The following LONRF3 variants were observed in gnomAD, a reference collection of about 807,000 sequenced individuals.
LONRF3 encodes LON peptidase N-terminal domain and ring finger 3.
A neutral mutation model predicts 51.7 loss-of-function variants in LONRF3; 19 were observed. That is an observed-to-expected ratio of 0.37 (90% CI 0.26 to 0.54). The LOEUF (loss-of-function observed/expected upper bound fraction) is 0.54. Ranked by LOEUF, LONRF3 falls within the 20% of genes least tolerant of loss-of-function variation. The probability of loss-of-function intolerance (pLI) is 0.86; values close to 1 mark genes in which losing one functional copy is unlikely to be tolerated. For missense variants in LONRF3, 521 were observed against 623.9 expected (o/e 0.84, Z 1.76); for synonymous variants, 265 against 257.8 (o/e 1.03, Z -0.27).
intron 5 of LONRF3, among the ~76,000 whole-genome samples, chrX:118,998,319 G>T (rs1236812118): frequency 8.9e-6 from 1 of 112,272 alleles, no homozygotes; most frequent in Non-Finnish European, 1.9e-5. Context: ...GCAGTGACCT[G>T]GATGAGATTG....
chrX:118,983,834 G>A (rs1480422846), intron 3 of LONRF3, among the ~76,000 whole-genome samples: 1 of 112,065 alleles, frequency 8.9e-6, no homozygotes, highest in East Asian at 2.8e-4. Flanking sequence ...CTCTAGAAAG[G>A]AATAGTTAGC....
At chrX:118,983,450 GCTAGAAATAAAACACA>G (rs375230815) in intron 3 of LONRF3, among the ~76,000 whole-genome samples, 9 of 112,191 alleles carry the variant, frequency 8.0e-5, no homozygotes, top group African/African-American at 2.9e-4. Context: ...CAGCTCCTTT[GCTAGAAATAAAACACA>G]CTGCCTCACA....
In LONRF3 at chrX:118,974,743, T is replaced by C. The variant is rs1489630751; in HGVS notation, c.-38T>C. 11 of 1,097,284 alleles carry C rather than the reference T, an allele frequency of 1.0e-5. No homozygotes were observed. Among genetic ancestry groups the C allele is most frequent in the Non-Finnish European group, 1.3e-5 (11 of 822,577 alleles). 90.4% of individuals were successfully genotyped at this position (1,097,284 alleles called of 1,213,427 possible). On this transcript the variant is annotated 5_prime_UTR_variant, in exon 1 of 11. Coordinates refer to ENST00000371628, the MANE Select transcript of LONRF3 (RefSeq NM_001031855.3). ...GCCACTCCTTGCTTCGTGTCCCCGG[T>C]CCCTAGACGCCTCGTCTCCTCCCGT... is the stretch of plus-strand genomic sequence containing the variant.
chrX:118,985,521 C>A (rs1922882323), intron 3 of LONRF3, among the ~76,000 whole-genome samples: 2 of 112,048 alleles, frequency 1.8e-5, no homozygotes, highest in Non-Finnish European at 3.8e-5. Context: ...GAATGCTAGG[C>A]CTCTCCCTGG....
chrX:118,978,425 G>A lies in LONRF3; in HGVS notation c.898G>A (p.Ala300Thr). The A allele has an allele frequency of 8.3e-7, 1 of 1,204,525 alleles. No homozygotes were observed. The highest frequency in any genetic ancestry group is 1.7e-5 in the African/African-American group (1 of 57,532). Residue 300 changes from alanine (A) to threonine (T), a missense_variant, in exon 2 of 11, where the codon GCA becomes ACA. Transcript: ENST00000371628. ...LESHENALHD[A>T]EIACKLRPMG... ...GTCTCATGAGAATGCACTGCATGAT[G>A]CAGAAATAGCATGTAAGCTCCGCCC...
chrX:119,008,850 A>G (rs1178954942), intron 6 of LONRF3, among the ~76,000 whole-genome samples: 1 of 112,114 alleles, frequency 8.9e-6, no homozygotes, highest in African/African-American at 3.2e-5. Context: ...GTGTTTCAGA[A>G]AAACTGTGAG....
chrX:118,989,321 A>G, intron 3 of LONRF3, 87 bp from the exon 4 acceptor site: 1 of 1,069,349 alleles, frequency 9.4e-7, no homozygotes, highest in Non-Finnish European at 1.3e-6. Flanking sequence ...AGGACTCTAT[A>G]GTTTCCCTTT....
chrX:118,997,113 AAAAAC>A (rs1923931568), intron 5 of LONRF3, among the ~76,000 whole-genome samples: 1 of 111,059 alleles, frequency 9.0e-6, no homozygotes, highest in Non-Finnish European at 1.9e-5. Flanking sequence ...GAATTAGAAA[AAAAAC>A]AATTCTAAAA....
rs966932443 is a variant in LONRF3 at position 118,992,996 on chromosome X, C to T, written c.1415+2436C>T. ...AGAGTACTACATCAAGGGAACACCC[C>T]GTGGGGCAAAAGAATCTGAACAACA... On this transcript the variant is annotated intron_variant, in intron 5 of 10. Transcript: ENST00000371628. Among the ~76,000 whole-genome samples the T allele has an allele frequency of 4.5e-5, 5 of 111,533 alleles. No individual in the cohort carries two copies. In the Admixed American group the frequency reaches 4.7e-4, roughly 11 times the overall value.
At position 118,990,466 on chromosome X, in the gene LONRF3, G is replaced by A. The variant is rs375972950; in HGVS notation, c.1325-4G>A. On this transcript the variant is annotated splice_polypyrimidine_tract_variant and splice_region_variant and intron_variant, in intron 4 of 10. Coordinates refer to ENST00000371628, the MANE Select transcript of LONRF3 (RefSeq NM_001031855.3). ...GCGCTGACTTCTTGCTTTCTAAATCGCAGATCCTCCCACTGATCAGGGGGA... is the reference window on the plus strand; with the variant it reads ...GCGCTGACTTCTTGCTTTCTAAATCACAGATCCTCCCACTGATCAGGGGGA... 15 of 1,201,332 alleles carry A rather than the reference G, an allele frequency of 1.2e-5. No individual in the cohort carries two copies. In the South Asian group the frequency reaches 1.8e-4, roughly 14 times the overall value.
rs369180848 is a variant in LONRF3 at position 118,987,445 on chromosome X, G to GTTTTTTTTT, written c.1060-1943_1060-1935dup. On this transcript the variant is annotated intron_variant, in intron 3 of 10. Transcript: ENST00000371628. ...GGCACGTGCCACCATGCCTGGCTAA[G>GTTTTTTTTT]TTTTTTTTTTTTTTTTTTTTTTTTT... 2.8e-3 allele frequency among the ~76,000 whole-genome samples: 91 copies of GTTTTTTTTT among 32,302 alleles called. 9 individuals are homozygous for GTTTTTTTTT. Among genetic ancestry groups the GTTTTTTTTT allele is most frequent in the African/African-American group, 3.6e-3 (23 of 6,477 alleles). The allele number at this position is 32,302 out of a possible 115,157, so 28.1% of individuals were successfully genotyped here. A position where few individuals can be genotyped will look rare whatever the true frequency, so the allele number is the denominator to read the frequency against.
rs772479367 is a variant in LONRF3 at position 119,010,325 on chromosome X, G to A, written c.1652+1078G>A. ...CTTCTGCCCTCTCCTCCCTCCATCCGCAGTAGAATCCTAACAGCATTCCAG... is the reference window on the plus strand; with the variant it reads ...CTTCTGCCCTCTCCTCCCTCCATCCACAGTAGAATCCTAACAGCATTCCAG... On this transcript the variant is annotated intron_variant, in intron 7 of 10. Transcript: ENST00000371628. Among the ~76,000 whole-genome samples, 15 of 111,051 alleles carry A rather than the reference G, an allele frequency of 1.4e-4. No homozygotes were observed. In the South Asian group the frequency reaches 2.7e-3, roughly 20 times the overall value.
intron 6 of LONRF3, among the ~76,000 whole-genome samples, chrX:119,006,436 T>TC (rs1924719589): frequency 1.1e-5 from 1 of 94,410 alleles, no homozygotes; most frequent in Non-Finnish European, 2.1e-5. Flanking sequence ...GTCTCCACTC[T>TC]CCCACCCAGG....
At chrX:119,006,038 A>G (rs908788206) in intron 5 of LONRF3, 83 bp from the exon 6 acceptor site, 2 of 551,988 alleles carry the variant, frequency 3.6e-6, no homozygotes, top group Non-Finnish European at 5.9e-6. Context: ...ATTCTAAATA[A>G]TGCTTTAAAA....
Position 119,017,873 on chromosome X carries a change from C to T in LONRF3, c.*183C>T, listed in dbSNP as rs1056017080. On this transcript the variant is annotated 3_prime_UTR_variant, in exon 11 of 11. Transcript: ENST00000371628. ...CCAAAAGAATGTGACCTATTTGAAA[C>T]TTTCTGTCTTAAGATGCTTCTTGAC... is the stretch of plus-strand genomic sequence containing the variant. The T allele has an allele frequency of 1.2e-4, 45 of 368,263 alleles. No homozygotes were observed. The highest frequency in any genetic ancestry group is 3.6e-5 in the Non-Finnish European group (8 of 222,673). 30.3% of individuals were successfully genotyped at this position (368,263 alleles called of 1,213,427 possible).
At chrX:118,987,451 T>TG (rs1923080162) in intron 3 of LONRF3, among the ~76,000 whole-genome samples, 1 of 82,297 alleles carries the variant, frequency 1.2e-5, no homozygotes, top group African/African-American at 4.5e-5. Context: ...CTAAGTTTTT[T>TG]TTTTTTTTTT....
In LONRF3 at chrX:119,013,165, C is replaced by T; in HGVS notation, c.1938C>T (p.Tyr646=). The change falls in exon 9 of 11, where the codon TAC becomes TAT. Residue 646 remains tyrosine (Y), a synonymous_variant. Transcript: ENST00000371628. The part of the protein sequence containing the change: ...RVLHQSQRDG[Y]NTADIEYIED... ...TCCATCAGAGCCAGCGGGATGGCTACAACACAGCCGACATTGAATACATTG... is the reference window on the plus strand; with the variant it reads ...TCCATCAGAGCCAGCGGGATGGCTATAACACAGCCGACATTGAATACATTG... The T allele has an allele frequency of 8.3e-7, 1 of 1,211,962 alleles. No homozygotes were observed. The highest frequency in any genetic ancestry group is 1.1e-6 in the Non-Finnish European group (1 of 895,524).
intron 9 of LONRF3, 136 bp downstream of exon 9, chrX:119,013,337 A>G: frequency 1.6e-6 from 1 of 628,469 alleles, no homozygotes; most frequent in Non-Finnish European, 2.4e-6. Flanking sequence ...GCAACATTGA[A>G]TGCTGCTGGA....
intron 5 of LONRF3, among the ~76,000 whole-genome samples, chrX:119,003,499 T>C (rs945903143): frequency 8.9e-6 from 1 of 112,451 alleles, no homozygotes; most frequent in African/African-American, 3.2e-5. Flanking sequence ...TGAAAATCTT[T>C]CCCCCATCTG....
Sources: allele counts gnomAD v4.1 joint callset (sites outside exome capture counted in the v4.1 genomes callset), GRCh38; gene constraint gnomAD v4.1.1; transcripts MANE v1.5; gene names NCBI Gene and HGNC (gene_info 2026-07-23, HGNC 2026-07-21).